Variants in SLC30A4 observed in about 807,000 individuals in gnomAD.
SLC30A4 encodes the protein solute carrier family 30 member 4.
A neutral mutation model predicts 41.7 loss-of-function variants in SLC30A4; 20 were observed. The observed-to-expected ratio is 0.48, with a 90% CI of 0.34 to 0.70. The LOEUF is 0.70. Among genes scored for constraint, SLC30A4 ranks in the 30% least tolerant of loss-of-function variants. The probability of loss-of-function intolerance (pLI) is 0.01; values close to 1 mark genes in which losing one functional copy is unlikely to be tolerated. For synonymous variants in SLC30A4, 181 were observed against 195.9 expected (o/e 0.92, Z 0.64); for missense variants, 441 against 529.3 (o/e 0.83, Z 1.64).
rs111266531 is a variant in SLC30A4, at chr15:45,485,286, T to C, written c.1167A>G (p.Val389=). 1 of 1,610,516 alleles carries C rather than the reference T, an allele frequency of 6.2e-7. No homozygotes were observed. Among genetic ancestry groups the C allele is most frequent in the Non-Finnish European group, 8.5e-7 (1 of 1,178,074 alleles). ...ATAATAAATGGTTTGCTTTGGACTG[T>C]ACTTCCTCCCATTTAGATGAACTTC... ...IPGSSSKWEE[V]QSKANHLLLN... Residue 389 remains valine, a synonymous_variant, in exon 8 of 8, where the codon GTA becomes GTG. Transcript: ENST00000261867.
rs901920494 is a variant in SLC30A4, at chr15:45,482,382, C to T, written c.*2781G>A. The stretch of plus-strand genomic sequence containing the variant: ...TGCAGTGAGCCCAACTGTGCCACTG[C>T]ACTCCAGCCTGGGTGACAGTGAGAC... On this transcript the variant is annotated 3_prime_UTR_variant, in exon 8 of 8. Coordinates refer to ENST00000261867, the MANE Select transcript of SLC30A4 (RefSeq NM_013309.6). 2.6e-5 allele frequency: 4 copies of T among 151,146 alleles called. No homozygotes were observed. The highest frequency in any genetic ancestry group is 9.7e-5 in the African/African-American group (4 of 41,096). 9.4% of individuals were successfully genotyped at this position (151,146 alleles called of 1,614,324 possible).
At chr15:45,492,692 A>C (rs1335598925) in intron 3 of SLC30A4, among the ~76,000 whole-genome samples, 3 of 152,162 alleles carry the variant, frequency 2.0e-5, no homozygotes, top group Non-Finnish European at 4.4e-5. Flanking sequence ...TGTTATGTGA[A>C]AAAAAGCAAA....
chr15:45,482,105 T>C lies in SLC30A4; in HGVS notation c.*3058A>G, dbSNP rs1241432105. 4 of 140,134 alleles carry C rather than the reference T, an allele frequency of 2.9e-5. No individual in the cohort carries two copies. Among genetic ancestry groups the C allele is most frequent in the South Asian group, 2.4e-4 (1 of 4,218 alleles). 8.7% of individuals were successfully genotyped at this position (140,134 alleles called of 1,614,324 possible). A position where few individuals can be genotyped will look rare whatever the true frequency, so the allele number is the denominator to read the frequency against. On this transcript the variant is annotated 3_prime_UTR_variant, in exon 8 of 8. Coordinates refer to ENST00000261867, the MANE Select transcript of SLC30A4 (RefSeq NM_013309.6). ...AAAAAAGATTTACAAAGGTTTGCAG[T>C]GTTTCTGTATTTTACAAAAGGATTC...
intron 2 of SLC30A4, chr15:45,519,272 C>G (rs1892593536): frequency 6.6e-6 from 1 of 152,214 alleles, no homozygotes; most frequent in Non-Finnish European, 1.5e-5. Context: ...GAGTCCCACT[C>G]TGTCACCCAG....
chr15:45,485,942 C>G (rs1891694811), intron 7 of SLC30A4, among the ~76,000 whole-genome samples: 1 of 151,818 alleles, frequency 6.6e-6, no homozygotes, highest in African/African-American at 2.4e-5. Flanking sequence ...TGTTCTTGAA[C>G]TCCTGACCTC....
At chr15:45,490,954 A>T in intron 3 of SLC30A4, 73 bp from the exon 4 acceptor site, 1 of 983,408 alleles carries the variant, frequency 1.0e-6, no homozygotes, top group Non-Finnish European at 1.5e-6. Context: ...TAAATATTAT[A>T]TAGTCTTTTT....
At chr15:45,505,584 T>C (rs989334616) in intron 3 of SLC30A4, among the ~76,000 whole-genome samples, 1 of 152,236 alleles carries the variant, frequency 6.6e-6, no homozygotes, top group Non-Finnish European at 1.5e-5. Context: ...TCTCCTCCTT[T>C]AAGCTCTGAC....
intron 3 of SLC30A4, among the ~76,000 whole-genome samples, chr15:45,491,812 T>C (rs1456185536): frequency 2.0e-5 from 3 of 151,558 alleles, no homozygotes; most frequent in Non-Finnish European, 4.4e-5. Flanking sequence ...GAGGCTGCAG[T>C]GAACCGTATG....
intron 2 of SLC30A4, among the ~76,000 whole-genome samples, chr15:45,520,622 A>C (rs1892636732): frequency 6.6e-6 from 1 of 152,188 alleles, no homozygotes; most frequent in African/African-American, 2.4e-5. Flanking sequence ...CTGGCCAAGA[A>C]AAGATTTGGG....
chr15:45,514,726 G>A (rs1357195764), intron 2 of SLC30A4, among the ~76,000 whole-genome samples: 1 of 151,724 alleles, frequency 6.6e-6, no homozygotes, highest in Non-Finnish European at 1.5e-5. Flanking sequence ...TGTTGGCCAG[G>A]CTGGTCTCGA....
At position 45,508,844 on chromosome 15, in the gene SLC30A4, G is replaced by A. The variant is rs540490014; in HGVS notation, c.538+2294C>T. On this transcript the variant is annotated intron_variant, in intron 3 of 7. Coordinates refer to ENST00000261867, the MANE Select transcript of SLC30A4 (RefSeq NM_013309.6). The stretch of plus-strand genomic sequence containing the variant: ...TTACATAGTATTTATTTATGAAGAA[G>A]CAAAGTGACTATGTAGAACAAACAC... Among the ~76,000 whole-genome samples the A allele has an allele frequency of 2.0e-5, 3 of 152,218 alleles. No homozygotes were observed. In the East Asian group the frequency reaches 5.8e-4, roughly 29 times the overall value.
chr15:45,484,990 T>C lies in SLC30A4; in HGVS notation c.*173A>G. ...TCTGAAAATTATGGCAAAGTCTCCT[T>C]TTACCATTAAACAGAGACTAGCACT... On this transcript the variant is annotated 3_prime_UTR_variant, in exon 8 of 8. Transcript: ENST00000261867. 1 of 566,540 alleles carries C rather than the reference T, an allele frequency of 1.8e-6. No individual in the cohort carries two copies. Among genetic ancestry groups the C allele is most frequent in the Non-Finnish European group, 3.1e-6 (1 of 324,414 alleles). 35.1% of individuals were successfully genotyped at this position (566,540 alleles called of 1,614,324 possible). A position where few individuals can be genotyped will look rare whatever the true frequency, so the allele number is the denominator to read the frequency against.
chr15:45,487,583 A>G lies in SLC30A4; in HGVS notation c.944T>C (p.Leu315Pro). 6.3e-7 allele frequency: 1 copy of G among 1,583,754 alleles called. No individual in the cohort carries two copies. Among genetic ancestry groups the G allele is most frequent in the Non-Finnish European group, 8.7e-7 (1 of 1,153,130 alleles). Residue 315 changes from leucine (L) to proline (P), a missense_variant, in exon 6 of 8, where the codon CTT becomes CCT. Around this residue, in one of 3 missense-constraint regions of SLC30A4, gnomAD observed 29 missense variants for 66.4 expected, o/e 0.44. Coordinates refer to ENST00000261867, the MANE Select transcript of SLC30A4 (RefSeq NM_013309.6). Reference sequence around the variant, plus strand: ...GATTCGAAATGTTGTAAAAGCCACAAGTAATGAAAATACGTATGTACAGAT... The same window carrying G: ...GATTCGAAATGTTGTAAAAGCCACAGGTAATGAAAATACGTATGTACAGAT... ...DPICTYVFSL[L>P]VAFTTFRIIW...
At chr15:45,503,425 T>C (rs1055212312) in intron 3 of SLC30A4, among the ~76,000 whole-genome samples, 4 of 151,708 alleles carry the variant, frequency 2.6e-5, no homozygotes, top group South Asian at 2.1e-4. Flanking sequence ...GAGACCAGCA[T>C]GGCCAATATG....
chr15:45,519,613 T>C (rs993966649), intron 2 of SLC30A4: 1 of 152,246 alleles, frequency 6.6e-6, no homozygotes, highest in South Asian at 2.1e-4. Context: ...ATCATCTCTG[T>C]ATTGTTTAAC....
chr15:45,505,276 G>A (rs1045150776), intron 3 of SLC30A4, among the ~76,000 whole-genome samples: 2 of 147,774 alleles, frequency 1.4e-5, no homozygotes, highest in Admixed American at 1.4e-4. Context: ...AAAAAAAAAG[G>A]CTACAATCAA....
At chr15:45,502,224 C>T (rs1892050996) in intron 3 of SLC30A4, 1 of 151,732 alleles carries the variant, frequency 6.6e-6, no homozygotes, top group Non-Finnish European at 1.5e-5. Context: ...GCCTCAGCCT[C>T]CTGAGTAGCT....
chr15:45,509,647 G>T (rs527995555), intron 3 of SLC30A4, among the ~76,000 whole-genome samples: 8 of 152,186 alleles, frequency 5.3e-5, no homozygotes, highest in Non-Finnish European at 1.2e-4. Flanking sequence ...AGAGTACGGA[G>T]GGGTGGGGAT....
chr15:45,488,637 CAAATACAGATAAG>C (rs1891751802), intron 5 of SLC30A4, among the ~76,000 whole-genome samples, 191 bp downstream of exon 5: 1 of 151,900 alleles, frequency 6.6e-6, no homozygotes. Flanking sequence ...CTACAAAAGC[CAAATACAGATAAG>C]TTACCCTGTG....
Sources: allele counts gnomAD v4.1 joint callset (sites outside exome capture counted in the v4.1 genomes callset), GRCh38; gene constraint gnomAD v4.1.1; regional missense constraint gnomAD v4.1.1; transcripts MANE v1.5; gene names NCBI Gene and HGNC (gene_info 2026-07-23, HGNC 2026-07-21).